Variants in SNX29 observed in about 807,000 individuals in gnomAD.
SNX29 encodes the protein sorting nexin-29.
SNX29 carries 78 observed loss-of-function variants against 102.1 expected under a neutral mutation model. The ratio of observed to expected loss-of-function variants is 0.76; its 90% CI spans 0.64 to 0.92. SNX29 has a LOEUF of 0.92. Among genes scored for constraint, SNX29 ranks in the 40% least tolerant of loss-of-function variants. The pLI is 0.00. For synonymous variants in SNX29, 580 were observed against 414.5 expected, an observed-to-expected ratio of 1.40 and a Z score of -4.85; for missense variants, 1,280 against 1,061.7, an observed-to-expected ratio of 1.21 and a Z score of -2.86.
intron 18 of SNX29, among the ~76,000 whole-genome samples, chr16:12,414,192 A>G (rs1332349966): frequency 6.6e-6 from 1 of 152,192 alleles, no homozygotes; most frequent in Non-Finnish European, 1.5e-5. Context: ...ACCCACTGAT[A>G]CGGAGGGCTG....
At chr16:12,050,928 C>A (rs1008095601) in intron 7 of SNX29, among the ~76,000 whole-genome samples, 6 of 151,882 alleles carry the variant, frequency 4.0e-5, no homozygotes, top group African/African-American at 1.5e-4. Flanking sequence ...ACCATGTTTG[C>A]CAGGCTGGTC....
intron 11 of SNX29, among the ~76,000 whole-genome samples, chr16:12,115,651 C>A (rs2053668633): frequency 6.6e-6 from 1 of 152,184 alleles, no homozygotes; most frequent in Admixed American, 6.5e-5. Flanking sequence ...TTGTGTTTTG[C>A]AGTGAAGAAT....
In SNX29 at chr16:12,571,542, G is replaced by A. The variant is rs905575591; in HGVS notation, c.*2913G>A. On this transcript the variant is annotated 3_prime_UTR_variant, in exon 21 of 21. Coordinates refer to ENST00000566228, the MANE Select transcript of SNX29 (RefSeq NM_032167.5). ...GGATTCCTGGGACCACCCTTTGCTG[G>A]GAGGAAGAATCCACACCGAATCCTT... 3.2e-6 allele frequency: 3 copies of A among 934,798 alleles called. No individual in the cohort carries two copies. The highest frequency in any genetic ancestry group is 5.4e-5 in the Admixed American group (1 of 18,508). The allele number at this position is 934,798 out of a possible 1,614,324, so 57.9% of individuals were successfully genotyped here. A position where few individuals can be genotyped will look rare whatever the true frequency, so the allele number is the denominator to read the frequency against.
intron 20 of SNX29, among the ~76,000 whole-genome samples, chr16:12,561,814 C>T (rs531161233): frequency 8.5e-5 from 13 of 152,272 alleles, no homozygotes; most frequent in South Asian, 2.1e-4. Context: ...CTCATTACCG[C>T]AGCTTACATC....
At chr16:12,540,485 C>G (rs761046010) in intron 20 of SNX29, among the ~76,000 whole-genome samples, 7 of 152,234 alleles carry the variant, frequency 4.6e-5, no homozygotes, top group Admixed American at 1.3e-4. Context: ...GTCAAGGTGT[C>G]GGCAGGGCTG....
chr16:12,429,912 C>T (rs1375520784), intron 18 of SNX29, among the ~76,000 whole-genome samples: 1 of 152,162 alleles, frequency 6.6e-6, no homozygotes, highest in East Asian at 1.9e-4. Flanking sequence ...GCTCTCTGAC[C>T]ACAGGCAGCT....
intron 16 of SNX29, among the ~76,000 whole-genome samples, chr16:12,366,809 C>T (rs1322262918): frequency 1.3e-5 from 2 of 151,778 alleles, no homozygotes; most frequent in African/African-American, 4.8e-5. Flanking sequence ...TTTTGTTTCT[C>T]TCTCTGCTCC....
At chr16:12,420,123 T>C (rs977468968) in intron 18 of SNX29, among the ~76,000 whole-genome samples, 1 of 152,206 alleles carries the variant, frequency 6.6e-6, no homozygotes, top group Admixed American at 6.5e-5. Context: ...CCTCCTGGCC[T>C]CTACCCAGCA....
intron 13 of SNX29, among the ~76,000 whole-genome samples, chr16:12,168,858 TC>T (rs1236595042): frequency 6.6e-6 from 1 of 152,178 alleles, no homozygotes; most frequent in African/African-American, 2.4e-5. Flanking sequence ...GGGAGTGAGT[TC>T]TTTGCATGCC....
chr16:12,461,380 C>T (rs762935883), intron 18 of SNX29, among the ~76,000 whole-genome samples: 2 of 152,128 alleles, frequency 1.3e-5, no homozygotes, highest in Non-Finnish European at 2.9e-5. Context: ...ATTACTGTGA[C>T]GAGGGGTAGA....
At chr16:12,557,614 G>C (rs182532520) in intron 20 of SNX29, 1 of 152,082 alleles carries the variant, frequency 6.6e-6, no homozygotes, top group Middle Eastern at 3.2e-3. Flanking sequence ...CATTCTCCTT[G>C]GCATCCCAGA....
chr16:12,022,280 G>C (rs1436236399), intron 3 of SNX29, among the ~76,000 whole-genome samples: 1 of 150,458 alleles, frequency 6.6e-6, no homozygotes, highest in African/African-American at 2.5e-5. Flanking sequence ...AGCTCACTGC[G>C]ACCTCCGCCT....
At chr16:12,539,852 T>G (rs888372886) in intron 20 of SNX29, among the ~76,000 whole-genome samples, 1 of 152,240 alleles carries the variant, frequency 6.6e-6, no homozygotes, top group Admixed American at 6.5e-5. Flanking sequence ...TAAGTAAGTG[T>G]CCAAGTATTT....
chr16:12,048,478 C>T lies in SNX29; in HGVS notation c.606C>T (p.Asn202=), dbSNP rs761964339. The change falls in exon 7 of 21, where the codon AAC becomes AAT. Residue 202 remains asparagine (N), a synonymous_variant. Transcript: ENST00000566228. ...ACCTCTTAAAGGAGTCAACGCAGAA[C>T]GTGACCTCCTTGCTGAAGGAGTCCA... ...VSDLLKESTQ[N]VTSLLKESTQ... 9.0e-5 allele frequency: 146 copies of T among 1,613,794 alleles called. No individual in the cohort carries two copies. Among genetic ancestry groups the T allele is most frequent in the Non-Finnish European group, 1.2e-4 (139 of 1,179,872 alleles).
At position 12,275,333 on chromosome 16, in the gene SNX29, C is replaced by A. The variant is rs114265269; in HGVS notation, c.1679-2600C>A. On this transcript the variant is annotated intron_variant, in intron 14 of 20. Transcript: ENST00000566228. ...GAAGAATGGGAGAAACTCAGAAGTTCAGTGTGTGTTACTTTTATGTCTCCA... is the reference window on the plus strand; with the variant it reads ...GAAGAATGGGAGAAACTCAGAAGTTAAGTGTGTGTTACTTTTATGTCTCCA... 2.7e-3 allele frequency among the ~76,000 whole-genome samples: 407 copies of A among 152,280 alleles called. 2 individuals carry two copies. Among genetic ancestry groups the A allele is most frequent in the African/African-American group, 8.9e-3 (371 of 41,540 alleles).
At chr16:12,086,162 C>A (rs550729693) in intron 11 of SNX29, among the ~76,000 whole-genome samples, 1 of 152,108 alleles carries the variant, frequency 6.6e-6, no homozygotes, top group Non-Finnish European at 1.5e-5. Context: ...CGCCACCACG[C>A]CTGGCTAATT....
intron 15 of SNX29, among the ~76,000 whole-genome samples, chr16:12,321,117 C>G (rs1406658152): frequency 6.6e-6 from 1 of 152,120 alleles, no homozygotes; most frequent in Non-Finnish European, 1.5e-5. Context: ...CTCAGCTTCC[C>G]CATGACTTCC....
Position 12,013,512 on chromosome 16 carries a change from T to G in SNX29, c.122+10469T>G, listed in dbSNP as rs1159081601. Among the ~76,000 whole-genome samples the G allele has an allele frequency of 3.8e-5, 2 of 52,946 alleles. 1 individual carries two copies. Among genetic ancestry groups the G allele is most frequent in the Non-Finnish European group, 7.8e-5 (2 of 25,616 alleles). 34.7% of individuals were successfully genotyped at this position (52,946 alleles called of 152,430 possible). A position where few individuals can be genotyped will look rare whatever the true frequency, so the allele number is the denominator to read the frequency against. On this transcript the variant is annotated intron_variant, in intron 3 of 20. Coordinates refer to ENST00000566228, the MANE Select transcript of SNX29 (RefSeq NM_032167.5). The stretch of plus-strand genomic sequence containing the variant: ...GGAAAAAAAAAAAAATATATATATA[T>G]ATATATATATATATATATATATATA...
chr16:12,045,632 T>TATTATTATTATC (rs2050056333), intron 5 of SNX29, among the ~76,000 whole-genome samples: 2 of 146,242 alleles, frequency 1.4e-5, no homozygotes, highest in Admixed American at 1.4e-4. Context: ...TTATTATTAT[T>TATTATTATTATC]ATTATTATTA....
Sources: allele counts gnomAD v4.1 joint callset (sites outside exome capture counted in the v4.1 genomes callset), GRCh38; gene constraint gnomAD v4.1.1; transcripts MANE v1.5; gene names NCBI Gene and HGNC (gene_info 2026-07-23, HGNC 2026-07-21).